The following RNF180 variants were observed in gnomAD, a reference collection of about 807,000 sequenced individuals.
RNF180 encodes the protein E3 ubiquitin-protein ligase RNF180.
A neutral mutation model predicts 59.2 loss-of-function variants in RNF180; 38 were observed. The ratio of observed to expected loss-of-function variants is 0.64; its 90% confidence interval spans 0.50 to 0.84. RNF180 has a LOEUF of 0.84. Among genes scored for constraint, RNF180 ranks in the 40% least tolerant of loss-of-function variants. The pLI is 0.00. For synonymous variants in RNF180, 262 were observed against 240.3 expected, an observed-to-expected ratio of 1.09 and a Z score of -0.84; for missense variants, 705 against 700.9, an observed-to-expected ratio of 1.01 and a Z score of -0.07.
At chr5:64,357,379 A>T (rs1247737945) in intron 7 of RNF180, among the ~76,000 whole-genome samples, 3 of 151,792 alleles carry the variant, frequency 2.0e-5, no homozygotes, top group African/African-American at 7.2e-5. Flanking sequence ...GCAGTAAAAT[A>T]TTGTGCTTTA....
chr5:64,250,383 A>G lies in RNF180; in HGVS notation c.1227+32987A>G, dbSNP rs376753517. On this transcript the variant is annotated intron_variant, in intron 5 of 7. Transcript: ENST00000389100. ...AGGAACTAGAAACAAGAACAAACTA[A>G]ACCCAAAGTTAGTAGAAGGAAGGAA... Among the ~76,000 whole-genome samples, 20 of 152,242 alleles carry G rather than the reference A, an allele frequency of 1.3e-4. No homozygotes were observed. The East Asian group carries it at 1.4e-3, about 10-fold the overall frequency.
At chr5:64,361,590 CTTA>C in intron 7 of RNF180, among the ~76,000 whole-genome samples, 1 of 151,398 alleles carries the variant, frequency 6.6e-6, no homozygotes, top group South Asian at 2.1e-4. Context: ...AGTATGTGTC[CTTA>C]TTATGTCTCT....
At position 64,357,400 on chromosome 5, in the gene RNF180, C is replaced by T. The variant is rs145387368; in HGVS notation, c.1580-12215C>T. On this transcript the variant is annotated intron_variant, in intron 7 of 7. Coordinates refer to ENST00000389100, the MANE Select transcript of RNF180 (RefSeq NM_001113561.2). ...AAATATTGTGCTTTAACCTTTTATC[C>T]GTCCCATCATATTTGAAAGATAGGA... Among the ~76,000 whole-genome samples the T allele has an allele frequency of 1.6e-3, 240 of 151,782 alleles. 1 individual carries two copies. The highest frequency in any genetic ancestry group is 3.8e-3 in the Admixed American group (58 of 15,194).
intron 5 of RNF180, among the ~76,000 whole-genome samples, chr5:64,279,675 A>G (rs868684443): frequency 6.6e-6 from 1 of 152,184 alleles, no homozygotes; most frequent in Non-Finnish European, 1.5e-5. Context: ...TTCACAATGA[A>G]TATTTATTGA....
intron 5 of RNF180, among the ~76,000 whole-genome samples, chr5:64,249,383 T>G (rs1256012731): frequency 6.6e-6 from 1 of 152,260 alleles, no homozygotes; most frequent in East Asian, 1.9e-4. Context: ...AGCCGAAACC[T>G]TACAGGCCAG....
At chr5:64,233,442 A>C (rs1358978568) in intron 5 of RNF180, among the ~76,000 whole-genome samples, 2 of 152,240 alleles carry the variant, frequency 1.3e-5, no homozygotes, top group African/African-American at 4.8e-5. Context: ...GAAATTAAAA[A>C]TTAACGAGAA....
intron 1 of RNF180, among the ~76,000 whole-genome samples, chr5:64,171,962 A>G (rs991296940): frequency 2.2e-4 from 33 of 152,154 alleles, no homozygotes; most frequent in African/African-American, 7.0e-4. Flanking sequence ...GTTGGGTAAC[A>G]TCTTTGGCAC....
intron 5 of RNF180, among the ~76,000 whole-genome samples, chr5:64,260,244 T>C (rs1005456612): frequency 2.6e-5 from 4 of 152,214 alleles, no homozygotes; most frequent in Admixed American, 6.5e-5. Context: ...GCAGTTTTTC[T>C]AGGTCTGTGA....
chr5:64,234,421 G>A (rs574230230), intron 5 of RNF180, among the ~76,000 whole-genome samples: 31 of 151,752 alleles, frequency 2.0e-4, no homozygotes, highest in African/African-American at 6.5e-4. Context: ...AGCCAAGATC[G>A]CGCCAGTGCA....
At chr5:64,254,475 G>A (rs1329536033) in intron 5 of RNF180, among the ~76,000 whole-genome samples, 1 of 152,046 alleles carries the variant, frequency 6.6e-6, no homozygotes, top group African/African-American at 2.4e-5. Flanking sequence ...GAAATCTCTG[G>A]CATTTTGCAA....
chr5:64,287,400 A>G (rs538960935), intron 5 of RNF180, among the ~76,000 whole-genome samples: 11 of 152,332 alleles, frequency 7.2e-5, no homozygotes, highest in African/African-American at 2.6e-4. Context: ...AATTCTCAGA[A>G]TGAGTGCACA....
intron 5 of RNF180, among the ~76,000 whole-genome samples, chr5:64,292,263 G>C (rs1742635421): frequency 6.6e-6 from 1 of 152,044 alleles, no homozygotes; most frequent in African/African-American, 2.4e-5. Flanking sequence ...TATTTTTGTG[G>C]GCTTGTCTGC....
chr5:64,251,193 C>G (rs1037032085), intron 5 of RNF180, among the ~76,000 whole-genome samples: 6 of 152,132 alleles, frequency 3.9e-5, no homozygotes, highest in African/African-American at 1.4e-4. Context: ...AGGAATTTAT[C>G]TCAACACAAC....
chr5:64,325,408 A>G lies in RNF180; in HGVS notation c.1450A>G (p.Thr484Ala), dbSNP rs1338075615. The G allele has an allele frequency of 4.6e-6, 7 of 1,530,816 alleles. No homozygotes were observed. The highest frequency in any genetic ancestry group is 6.2e-6 in the Non-Finnish European group (7 of 1,128,052). The allele number at this position is 1,530,816 out of a possible 1,614,324, so 94.8% of individuals were successfully genotyped here. A position where few individuals can be genotyped will look rare whatever the true frequency, so the allele number is the denominator to read the frequency against. ...AATTATTTCTAGAGTCTTTTTCCAA[A>G]CAGGTAACAATTCTCTTTCATTAAC... ...RTIISRVFFQ[T>A]ELNNATKTFF... The change falls in exon 6 of 8, where the codon ACA (threonine) becomes GCA (alanine). Residue 484 changes from threonine to alanine, a missense_variant. Transcript: ENST00000389100.
intron 1 of RNF180, among the ~76,000 whole-genome samples, chr5:64,185,132 G>T (rs1750807615): frequency 1.3e-5 from 2 of 152,136 alleles, no homozygotes; most frequent in South Asian, 4.1e-4. Context: ...CATCCAATCT[G>T]TCTGGAAATC....
chr5:64,369,208 G>A (rs897140161), intron 7 of RNF180, among the ~76,000 whole-genome samples: 6 of 151,848 alleles, frequency 4.0e-5, no homozygotes, highest in African/African-American at 1.5e-4. Flanking sequence ...ACTCTCGCAA[G>A]GACAAAAAAC....
chr5:64,201,472 C>T (rs932578616), intron 2 of RNF180, among the ~76,000 whole-genome samples: 1 of 152,144 alleles, frequency 6.6e-6, no homozygotes, highest in Non-Finnish European at 1.5e-5. Context: ...ATAAAAATTT[C>T]TTCTCTAAGA....
chr5:64,227,416 G>C (rs1055854517), intron 5 of RNF180, among the ~76,000 whole-genome samples: 6 of 152,194 alleles, frequency 3.9e-5, no homozygotes, highest in African/African-American at 1.4e-4. Flanking sequence ...AGCCACACAT[G>C]TCCTGGTCCC....
At chr5:64,167,943 G>A (rs902779166) in intron 1 of RNF180, among the ~76,000 whole-genome samples, 2 of 152,160 alleles carry the variant, frequency 1.3e-5, no homozygotes, top group Non-Finnish European at 2.9e-5. Flanking sequence ...ACGGAAGAAA[G>A]CAGCTTTGTA....
Sources: gnomAD v4.1 joint callset for allele counts (sites outside exome capture counted in the v4.1 genomes callset) on GRCh38, gnomAD v4.1.1 for gene constraint, MANE v1.5 for transcripts, NCBI Gene and HGNC (gene_info 2026-07-23, HGNC 2026-07-21) for gene names.